The following TMEM192 variants were observed in gnomAD, a reference collection of about 807,000 sequenced individuals.
TMEM192 encodes transmembrane protein 192.
A neutral mutation model predicts 26.7 loss-of-function variants in TMEM192; 20 were observed. The observed-to-expected ratio is 0.75, with a 90% CI of 0.53 to 1.09. The LOEUF is 1.09. Among genes scored for constraint, TMEM192 ranks in the 50% least tolerant of loss-of-function variants. The pLI, the probability that TMEM192 is intolerant of heterozygous loss-of-function variation, is 0.00. For synonymous variants in TMEM192, 124 were observed against 121.0 expected, an observed-to-expected ratio of 1.02 and a Z score of -0.16; for missense variants, 304 against 322.6, an observed-to-expected ratio of 0.94 and a Z score of 0.44.
At chr4:165,080,457 G>C (rs573316797) in intron 5 of TMEM192, among the ~76,000 whole-genome samples, 1 of 152,182 alleles carries the variant, frequency 6.6e-6, no homozygotes, top group East Asian at 1.9e-4. Context: ...TAATGATAAT[G>C]ACAATAATAT....
chr4:165,096,129 C>T (rs534654875), intron 3 of TMEM192, among the ~76,000 whole-genome samples: 1 of 151,374 alleles, frequency 6.6e-6, no homozygotes, highest in African/African-American at 2.4e-5. Context: ...ATTATTAGGC[C>T]GGGCGCAGTG....
At position 165,079,829 on chromosome 4, in the gene TMEM192, A is replaced by G. The variant is rs1486880496; in HGVS notation, c.678-33T>C. The G allele has an allele frequency of 5.0e-6, 8 of 1,604,392 alleles. No individual in the cohort carries two copies. The African/African-American group carries it at 1.1e-4, about 22-fold the overall frequency. ...TAATCAAGATATAAATGGGTTACAC[A>G]TATTCACCAATACTCATTAGTGTCT... On this transcript the variant is annotated intron_variant, in intron 5 of 5. Coordinates refer to ENST00000306480, the MANE Select transcript of TMEM192 (RefSeq NM_001100389.2).
intron 1 of TMEM192, among the ~76,000 whole-genome samples, chr4:165,109,936 T>C (rs1445014081): frequency 2.0e-5 from 3 of 152,234 alleles, no homozygotes; most frequent in African/African-American, 7.2e-5. Context: ...TAATATTCAT[T>C]TGGAATATTT....
intron 3 of TMEM192, among the ~76,000 whole-genome samples, chr4:165,096,466 A>G (rs1261247070): frequency 6.6e-6 from 1 of 151,838 alleles, no homozygotes; most frequent in Non-Finnish European, 1.5e-5. Context: ...TAATCAGGTA[A>G]ATATTTTCAC....
chr4:165,081,529 G>A (rs1306322637), intron 5 of TMEM192, among the ~76,000 whole-genome samples: 1 of 39,528 alleles, frequency 2.5e-5, no homozygotes, highest in African/African-American at 4.7e-5. Flanking sequence ...GACTATAAGC[G>A]CCCATCATCA....
At chr4:165,104,195 A>G (rs1459693657) in intron 1 of TMEM192, among the ~76,000 whole-genome samples, 3 of 134,916 alleles carry the variant, frequency 2.2e-5, no homozygotes, top group Non-Finnish European at 3.3e-5. Context: ...TTCTCATCAC[A>G]TGTTAAAAAA....
intron 3 of TMEM192, among the ~76,000 whole-genome samples, chr4:165,098,700 G>A (rs536047770): frequency 1.2e-4 from 18 of 150,894 alleles, no homozygotes; most frequent in South Asian, 4.2e-4. Context: ...ATGGATTCAA[G>A]TTTTTTTTTC....
intron 4 of TMEM192, among the ~76,000 whole-genome samples, chr4:165,088,223 G>A (rs1734671232): frequency 6.6e-6 from 1 of 152,072 alleles, no homozygotes; most frequent in African/African-American, 2.4e-5. Context: ...AAAAGTTTGT[G>A]TCTTGTTTTA....
At chr4:165,088,441 T>C (rs1326430696) in intron 4 of TMEM192, 27 bp downstream of exon 4, 2 of 1,600,596 alleles carry the variant, frequency 1.2e-6, no homozygotes, top group Non-Finnish European at 1.7e-6. Context: ...GAAGTTCCTA[T>C]AAGAACAGGC....
chr4:165,080,983 G>A (rs888769673), intron 5 of TMEM192, among the ~76,000 whole-genome samples: 3 of 152,038 alleles, frequency 2.0e-5, no homozygotes, highest in Admixed American at 2.0e-4. Context: ...CCAAAGTGCT[G>A]GGATTACAGG....
chr4:165,099,988 A>G (rs902466931), intron 3 of TMEM192, among the ~76,000 whole-genome samples: 1 of 152,056 alleles, frequency 6.6e-6, no homozygotes, highest in African/African-American at 2.4e-5. Flanking sequence ...CCCTCTCCCT[A>G]TCCTCAGAAA....
chr4:165,093,066 GATAA>G (rs1205289247), intron 3 of TMEM192, among the ~76,000 whole-genome samples: 6 of 147,526 alleles, frequency 4.1e-5, no homozygotes, highest in Non-Finnish European at 8.9e-5. Context: ...TTGTGAACAA[GATAA>G]ATACAGTTTT....
At chr4:165,111,857 C>T (rs1248732871) in intron 1 of TMEM192, among the ~76,000 whole-genome samples, 1 of 152,184 alleles carries the variant, frequency 6.6e-6, no homozygotes, top group Non-Finnish European at 1.5e-5. Context: ...AATATTCCTA[C>T]TAATTTATTA....
intron 1 of TMEM192, among the ~76,000 whole-genome samples, chr4:165,107,118 G>A (rs919723205): frequency 3.3e-5 from 5 of 150,716 alleles, no homozygotes; most frequent in Non-Finnish European, 7.4e-5. Context: ...TCTGCTTCCT[G>A]GGTTCAAACA....
chr4:165,105,483 A>G (rs1735141875), intron 1 of TMEM192, among the ~76,000 whole-genome samples: 1 of 152,178 alleles, frequency 6.6e-6, no homozygotes, highest in South Asian at 2.1e-4. Flanking sequence ...CTCATGCCTC[A>G]GTTTCCACAT....
chr4:165,079,836 C>T, intron 5 of TMEM192, 40 bp from the exon 6 acceptor site: 2 of 1,588,528 alleles, frequency 1.3e-6, no homozygotes, highest in Non-Finnish European at 1.7e-6. Context: ...CACATATTCA[C>T]CAATACTCAT....
intron 1 of TMEM192, among the ~76,000 whole-genome samples, chr4:165,107,861 A>T (rs529408658): frequency 3.3e-5 from 5 of 152,258 alleles, no homozygotes; most frequent in African/African-American, 9.6e-5. Flanking sequence ...TGTAGTTTTC[A>T]TCTGTACAAG....
chr4:165,098,371 C>T (rs1355045002), intron 3 of TMEM192, among the ~76,000 whole-genome samples: 4 of 151,634 alleles, frequency 2.6e-5, no homozygotes, highest in African/African-American at 7.3e-5. Flanking sequence ...GGAATCTACC[C>T]GCCTCGGCCT....
rs767705040 is a variant in TMEM192, at chr4:165,085,610, T to C, written c.653A>G (p.Asn218Ser). 6.2e-7 allele frequency: 1 copy of C among 1,612,148 alleles called. No homozygotes were observed. The highest frequency in any genetic ancestry group is 8.5e-7 in the Non-Finnish European group (1 of 1,179,284). ...CCTGAATCCAGTCTCCGAGGTAATA[T>C]TGCTGGGGTAAGCATAGATTTTTTC... Reference protein sequence around the residue: ...EEEKIYAYPSNITSETGFRTI... With the variant: ...EEEKIYAYPSSITSETGFRTI... Residue 218 changes from asparagine (N) to serine (S), a missense_variant, in exon 5 of 6, where the codon AAT becomes AGT. Physicochemically the swap from Asn to Ser is conservative, Grantham distance 46 (BLOSUM62 1). Coordinates refer to ENST00000306480, the MANE Select transcript of TMEM192 (RefSeq NM_001100389.2).
Sources: gnomAD v4.1 joint callset for allele counts (sites outside exome capture counted in the v4.1 genomes callset) on GRCh38, gnomAD v4.1.1 for gene constraint, MANE v1.5 for transcripts, NCBI Gene and HGNC (gene_info 2026-07-23, HGNC 2026-07-21) for gene names.